HOMER3: variants seen among roughly 807,000 people sequenced by gnomAD.
The protein encoded by HOMER3 is homer scaffold protein 3, also known as homer protein homolog 3.
HOMER3 carries 34 observed loss-of-function variants against 45.5 expected under a neutral mutation model. The observed-to-expected ratio is 0.75, with a 90% confidence interval of 0.57 to 1.00. The LOEUF is 1.00. HOMER3 is among the 50% of genes least tolerant of loss of function. HOMER3 has a pLI of 0.00. For synonymous variants in HOMER3, 223 were observed against 208.8 expected (o/e 1.07, Z -0.58); for missense variants, 480 against 497.5 (o/e 0.96, Z 0.33).
intron 4 of HOMER3, among the ~76,000 whole-genome samples, chr19:18,935,335 A>G (rs1033606638): frequency 2.0e-5 from 3 of 151,536 alleles, no homozygotes; most frequent in Non-Finnish European, 4.4e-5. Context: ...ATGGGGTTTC[A>G]CCATATTGGC....
In HOMER3 at chr19:18,934,318, C is replaced by T. The variant is rs138725398; in HGVS notation, c.396G>A (p.Gly132=). The T allele has an allele frequency of 3.2e-6, 5 of 1,542,376 alleles. No individual in the cohort carries two copies. Among genetic ancestry groups the T allele is most frequent in the South Asian group, 1.2e-5 (1 of 81,004 alleles). ...DGGELTSPAL[G]LASHQVPPSP... ...GAGTGCTGACCTGGTGGGAGGCGAG[C>T]CCCAGGGCTGGACTGGTGAGCTCCC... The change falls in exon 5 of 10, where the codon GGG becomes GGA. Residue 132 remains glycine, a synonymous_variant. Transcript: ENST00000392351.
intron 5 of HOMER3, among the ~76,000 whole-genome samples, chr19:18,933,715 T>C (rs2057062941): frequency 6.6e-6 from 1 of 152,126 alleles, no homozygotes; most frequent in Non-Finnish European, 1.5e-5. Context: ...TTCTTTCTTT[T>C]TTTTTTTGAG....
chr19:18,932,907 CAAGTCCCGCCCCTCA>C lies in HOMER3; in HGVS notation c.533+2_533+16del. 1 of 1,377,524 alleles carries C rather than the reference CAAGTCCCGCCCCTCA, an allele frequency of 7.3e-7. No homozygotes were observed. The highest frequency in any genetic ancestry group is 9.4e-7 in the Non-Finnish European group (1 of 1,059,408). 85.3% of individuals were successfully genotyped at this position (1,377,524 alleles called of 1,614,324 possible). A position where few individuals can be genotyped will look rare whatever the true frequency, so the allele number is the denominator to read the frequency against. ...CCTACCCCCGCCCCTGCCACGCCCC[CAAGTCCCGCCCCTCA>C]CCCCTCAGACAACATCTTCTTTAGC... On this transcript the variant is annotated splice_donor_variant and splice_donor_5th_base_variant and intron_variant, in intron 6 of 9. Transcript: ENST00000392351. LOFTEE classifies it high-confidence loss of function.
At position 18,938,766 on chromosome 19, in the gene HOMER3, G is replaced by A. The variant is rs781734612; in HGVS notation, c.133C>T (p.Arg45Cys). The change falls in exon 3 of 10, where the codon CGC becomes TGC. Residue 45 changes from arginine (R) to cysteine (C), a missense_variant. Arg to Cys is a radical substitution (Grantham distance 180). Transcript: ENST00000392351. ...ATGCTGATGATGCGGTACACATTGC[G>A]GGTGGCATCGTAGAAATAGGAGACA... Reference protein sequence around the residue: ...LTVSYFYDATRNVYRIISIGG... With the variant: ...LTVSYFYDATCNVYRIISIGG... 17 of 1,599,230 alleles carry A rather than the reference G, an allele frequency of 1.1e-5. No individual in the cohort carries two copies. Among genetic ancestry groups the A allele is most frequent in the African/African-American group, 1.3e-5 (1 of 74,700 alleles).
chr19:18,939,122 AC>A, intron 1 of HOMER3, 73 bp from the exon 2 acceptor site: 1 of 792,262 alleles, frequency 1.3e-6, no homozygotes, highest in Non-Finnish European at 1.9e-6. Flanking sequence ...CCATCTCAGG[AC>A]CCATCACCAG....
intron 9 of HOMER3, among the ~76,000 whole-genome samples, chr19:18,930,810 C>A (rs2057023609): frequency 6.6e-6 from 1 of 152,042 alleles, no homozygotes; most frequent in Non-Finnish European, 1.5e-5. Flanking sequence ...GAGTTGAGAC[C>A]AGCCTGGCCA....
intron 4 of HOMER3, among the ~76,000 whole-genome samples, chr19:18,935,253 C>G (rs901604658): frequency 6.6e-6 from 1 of 151,384 alleles, no homozygotes; most frequent in Non-Finnish European, 1.5e-5. Context: ...GAGTCTTCTG[C>G]CTCAACCTCC....
rs1474038115 is a variant in HOMER3 at position 18,939,029 on chromosome 19, G to A, written c.-47C>T. ...GCTCTAGGGGGCAGCCAGAGAGGTG[G>A]CAGGAGCACTGGTTTGGCCCCTAGG... On this transcript the variant is annotated 5_prime_UTR_variant, in exon 2 of 10. Coordinates refer to ENST00000392351, the MANE Select transcript of HOMER3 (RefSeq NM_004838.4). 3 of 1,534,654 alleles carry A rather than the reference G, an allele frequency of 2.0e-6. No individual in the cohort carries two copies. Among genetic ancestry groups the A allele is most frequent in the South Asian group, 1.3e-5 (1 of 78,210 alleles).
intron 4 of HOMER3, among the ~76,000 whole-genome samples, chr19:18,937,672 C>CAAA (rs398034178): frequency 1.6e-4 from 10 of 64,150 alleles, no homozygotes; most frequent in Admixed American, 5.3e-4. Context: ...GCATTATCTC[C>CAAA]AAAAAAAAAA....
Position 18,929,578 on chromosome 19 carries a change from G to T in HOMER3, c.951C>A (p.Ser317Arg), listed in dbSNP as rs1206233157. 21 of 1,545,830 alleles carry T rather than the reference G, an allele frequency of 1.4e-5. No homozygotes were observed. The highest frequency in any genetic ancestry group is 1.8e-5 in the Non-Finnish European group (21 of 1,145,678). ...CCCGCTCTGCCCGTGCCTCCTCCAG[G>T]CTGCGCTCCATCGCCCGCAGCTGGT... is the stretch of plus-strand genomic sequence containing the variant. ...LEHQLRAMERSLEEARAERER... is the reference protein window; with the variant it reads ...LEHQLRAMERRLEEARAERER... Residue 317 changes from serine (S) to arginine (R), a missense_variant, in exon 10 of 10, where the codon AGC becomes AGA. Coordinates refer to ENST00000392351, the MANE Select transcript of HOMER3 (RefSeq NM_004838.4).
intron 9 of HOMER3, among the ~76,000 whole-genome samples, chr19:18,930,199 G>A (rs1459859620): frequency 6.9e-6 from 1 of 144,236 alleles, no homozygotes; most frequent in African/African-American, 2.6e-5. Flanking sequence ...GCAGTGAGCC[G>A]AGATCGCGCC....
chr19:18,940,025 A>G (rs1190678251), intron 1 of HOMER3: 2 of 152,454 alleles, frequency 1.3e-5, no homozygotes, highest in Non-Finnish European at 2.9e-5. Flanking sequence ...TCTGCAGGGG[A>G]CCAAGGAGGA....
intron 4 of HOMER3, among the ~76,000 whole-genome samples, chr19:18,935,917 G>A (rs2057087887): frequency 6.6e-6 from 1 of 150,940 alleles, no homozygotes; most frequent in South Asian, 2.1e-4. Flanking sequence ...TACTTGGGAG[G>A]CTGAGGCAGG....
intron 9 of HOMER3, among the ~76,000 whole-genome samples, chr19:18,930,026 G>C (rs894905411): frequency 1.3e-5 from 2 of 151,884 alleles, no homozygotes; most frequent in Admixed American, 1.3e-4. Context: ...GAGGCAGGTG[G>C]ATCCCCTGAG....
At chr19:18,938,197 G>A (rs539669048) in intron 4 of HOMER3, among the ~76,000 whole-genome samples, 156 bp downstream of exon 4, 9 of 151,712 alleles carry the variant, frequency 5.9e-5, no homozygotes, top group East Asian at 5.8e-4. Context: ...GAATCAAACC[G>A]GGGAAGCTTA....
chr19:18,936,130 A>G (rs949806574), intron 4 of HOMER3, among the ~76,000 whole-genome samples: 3 of 150,634 alleles, frequency 2.0e-5, no homozygotes, highest in Non-Finnish European at 4.4e-5. Context: ...GCTGACCAAC[A>G]TGGTGAAACC....
chr19:18,936,237 G>A (rs998249962), intron 4 of HOMER3, among the ~76,000 whole-genome samples: 5 of 149,826 alleles, frequency 3.3e-5, no homozygotes, highest in African/African-American at 7.3e-5. Flanking sequence ...TGCTTGAACC[G>A]GGGAGGCGGA....
rs761009617 is a variant in HOMER3, at chr19:18,938,825, C to T, written c.74G>A (p.Arg25Gln). 15 of 1,600,722 alleles carry T rather than the reference C, an allele frequency of 9.4e-6. No homozygotes were observed. The highest frequency in any genetic ancestry group is 1.7e-5 in the Admixed American group (1 of 57,578). The change falls in exon 3 of 10, where the codon CGA (arginine) becomes CAA (glutamine). Residue 25 changes from arginine (R) to glutamine (Q), a missense_variant. Physicochemically the swap from Arg to Gln is conservative, Grantham distance 43. Coordinates refer to ENST00000392351, the MANE Select transcript of HOMER3 (RefSeq NM_004838.4). ...HVFQIDPATK[R>Q]NWIPAGKHAL... ...GTGCTTGCCCGCTGGGATCCAGTTT[C>T]GCTTGGTGGCTGGGTCAATTTGGAA...
At chr19:18,935,158 G>T in intron 4 of HOMER3, among the ~76,000 whole-genome samples, 1 of 147,566 alleles carries the variant, frequency 6.8e-6, no homozygotes, top group African/African-American at 2.5e-5. Flanking sequence ...TTTTTGGGGG[G>T]GGACAGAATC....
Sources: gnomAD v4.1 joint callset for allele counts (sites outside exome capture counted in the v4.1 genomes callset) on GRCh38, gnomAD v4.1.1 for gene constraint, MANE v1.5 for transcripts, NCBI Gene and HGNC (gene_info 2026-07-23, HGNC 2026-07-21) for gene names.